The following ITPR3 variants were observed in gnomAD, a reference collection of about 807,000 sequenced individuals.
The protein encoded by ITPR3 is inositol 1,4,5-trisphosphate receptor type 3.
Under a neutral mutation model 293.2 loss-of-function variants are expected in ITPR3, and 173 were observed. The ratio of observed to expected loss-of-function variants is 0.59; its 90% confidence interval spans 0.52 to 0.67. The LOEUF (loss-of-function observed/expected upper bound fraction) is 0.67. Ranked by LOEUF, ITPR3 falls within the 30% of genes least tolerant of loss-of-function variation. The pLI is 0.00. For missense variants in ITPR3, 2,796 were observed against 3,592.1 expected, an observed-to-expected ratio of 0.78 and a Z score of 5.66; for synonymous variants, 1,295 against 1,444.4, an observed-to-expected ratio of 0.90 and a Z score of 2.35.
Position 33,670,699 on chromosome 6 carries a change from G to C in ITPR3, c.2470G>C (p.Asp824His). The C allele has an allele frequency of 6.2e-7, 1 of 1,614,168 alleles. No homozygotes were observed. The highest frequency in any genetic ancestry group is 8.5e-7 in the Non-Finnish European group (1 of 1,180,040). The change falls in exon 20 of 58, where the codon GAT becomes CAT. Residue 824 changes from aspartate (D) to histidine (H), a missense_variant. By Grantham distance (81) the Asp-to-His change is moderately conservative. Coordinates refer to ENST00000605930, the MANE Select transcript of ITPR3 (RefSeq NM_002224.4). The surrounding 1 kb of genome is among the most constrained non-coding windows in gnomAD (Gnocchi z 6.7). Reference protein sequence around the residue: ...DYDSNLNASRDDKKNKFANTM... With the variant: ...DYDSNLNASRHDKKNKFANTM... ...TGATTCCAACCTCAACGCGTCCCGAGATGACAAGAAGAACAAGTTTGCCAA... is the reference window on the plus strand; with the variant it reads ...TGATTCCAACCTCAACGCGTCCCGACATGACAAGAAGAACAAGTTTGCCAA...
At chr6:33,643,518 G>A (rs1203302319) in intron 2 of ITPR3, among the ~76,000 whole-genome samples, 4 of 152,256 alleles carry the variant, frequency 2.6e-5, no homozygotes, top group Non-Finnish European at 5.9e-5. Flanking sequence ...CGCTAGGCCA[G>A]CCCTTGAACT....
At position 33,630,504 on chromosome 6, in the gene ITPR3, CCT is replaced by C. The variant is rs369076311; in HGVS notation, c.89+8818_89+8819del. On this transcript the variant is annotated intron_variant, in intron 1 of 57. Transcript: ENST00000605930. ...GCGGCCCATGGTTGCACCTTTTCTC[CCT>C]CTCTTCCCAGCTTTCCCTTTGGTCT... 2.3e-3 allele frequency among the ~76,000 whole-genome samples: 344 copies of C among 152,290 alleles called. 1 individual carries two copies. The highest frequency in any genetic ancestry group is 7.7e-3 in the African/African-American group (319 of 41,558).
In ITPR3 at chr6:33,633,848, C is replaced by G. The variant is rs1356013287; in HGVS notation, c.90-6636C>G. Among the ~76,000 whole-genome samples the G allele has an allele frequency of 9.4e-6, 1 of 106,470 alleles. No individual in the cohort carries two copies. Among genetic ancestry groups the G allele is most frequent in the Non-Finnish European group, 2.0e-5 (1 of 49,066 alleles). 69.8% of individuals were successfully genotyped at this position (106,470 alleles called of 152,430 possible). Reference sequence around the variant, plus strand: ...GCGCGGGGCGGGCGCGGGGCGGGGCCGGGCCGGGCCGGGGCGGGGCCAGGG... The same window carrying G: ...GCGCGGGGCGGGCGCGGGGCGGGGCGGGGCCGGGCCGGGGCGGGGCCAGGG... On this transcript the variant is annotated intron_variant, in intron 1 of 57. Coordinates refer to ENST00000605930, the MANE Select transcript of ITPR3 (RefSeq NM_002224.4). The surrounding 1 kb of genome is among the most constrained non-coding windows in gnomAD (Gnocchi z 5.2).
rs1346396279 is a variant in ITPR3 at position 33,682,190 on chromosome 6, T to TA, written c.4477-334_4477-333insA. ...AGCCACTGCGCCCAGCCTCAAAGTG[T>TA]TATCTTTTAAATAACCTTTTGGTTT... is the stretch of plus-strand genomic sequence containing the variant. On this transcript the variant is annotated intron_variant, in intron 33 of 57. Coordinates refer to ENST00000605930, the MANE Select transcript of ITPR3 (RefSeq NM_002224.4). This position sits in a 1 kb window ranked among gnomAD's most constrained non-coding sequence, Gnocchi z 5.4. Among the ~76,000 whole-genome samples the TA allele has an allele frequency of 2.0e-5, 3 of 152,176 alleles. No homozygotes were observed. The highest frequency in any genetic ancestry group is 4.8e-5 in the African/African-American group (2 of 41,442).
chr6:33,633,557 G>A lies in ITPR3; in HGVS notation c.90-6927G>A, dbSNP rs879569231. Among the ~76,000 whole-genome samples, 5 of 151,972 alleles carry A rather than the reference G, an allele frequency of 3.3e-5. No individual in the cohort carries two copies. On this transcript the variant is annotated intron_variant, in intron 1 of 57. Coordinates refer to ENST00000605930, the MANE Select transcript of ITPR3 (RefSeq NM_002224.4). This position sits in a 1 kb window ranked among gnomAD's most constrained non-coding sequence, Gnocchi z 5.2. The stretch of plus-strand genomic sequence containing the variant: ...CCTCCGCGGGCAGACGAGCGGGGGA[G>A]AGCAGGAAAGCGCGGGCGCAGCGGC...
At chr6:33,641,730 T>A (rs1763957339) in intron 2 of ITPR3, among the ~76,000 whole-genome samples, 1 of 151,982 alleles carries the variant, frequency 6.6e-6, no homozygotes, top group Non-Finnish European at 1.5e-5. Context: ...TTCCTCACAG[T>A]CACCAGCAAC....
At position 33,694,968 on chromosome 6, in the gene ITPR3, T is replaced by C. The variant is rs1227432497; in HGVS notation, c.7830T>C (p.Leu2610=). The C allele has an allele frequency of 1.9e-6, 3 of 1,614,150 alleles. No homozygotes were observed. Among genetic ancestry groups the C allele is most frequent in the Non-Finnish European group, 2.5e-6 (3 of 1,180,024 alleles). The change falls in exon 57 of 58, where the codon CTT becomes CTC. Residue 2610 remains leucine (L), a synonymous_variant. Transcript: ENST00000605930. ...TCCCCCGGATGCGGGCCATGTCCCTTGTCAGCAATGAGGGCGAGGGGGAGC... is the reference window on the plus strand; with the variant it reads ...TCCCCCGGATGCGGGCCATGTCCCTCGTCAGCAATGAGGGCGAGGGGGAGC... ...DWFPRMRAMS[L]VSNEGEGEQN...
intron 20 of ITPR3, 75 bp from the exon 21 acceptor site, chr6:33,671,090 T>A: frequency 6.3e-7 from 1 of 1,588,702 alleles, no homozygotes; most frequent in South Asian, 1.1e-5. Flanking sequence ...TCCCCAGTCC[T>A]GGCCTGCCCT....
intron 55 of ITPR3, 109 bp from the exon 56 acceptor site, chr6:33,693,435 AT>A: frequency 1.8e-6 from 2 of 1,127,036 alleles, no homozygotes; most frequent in Non-Finnish European, 2.6e-6. Flanking sequence ...GGAAGCGCTC[AT>A]CCCGAGAACA....
rs935119907 is a variant in ITPR3 at position 33,691,308 on chromosome 6, G to C, written c.7225+199G>C. On this transcript the variant is annotated intron_variant, in intron 52 of 57. Coordinates refer to ENST00000605930, the MANE Select transcript of ITPR3 (RefSeq NM_002224.4). The surrounding 1 kb of genome is among the most constrained non-coding windows in gnomAD (Gnocchi z 4.9). ...CACACTGAGTGGGTGGGAGAGCCTT[G>C]GGTCTCTGGCCCCTAAGGAACCCCT... is the stretch of plus-strand genomic sequence containing the variant. 6.6e-5 allele frequency among the ~76,000 whole-genome samples: 10 copies of C among 152,162 alleles called. No individual in the cohort carries two copies. The highest frequency in any genetic ancestry group is 2.4e-4 in the African/African-American group (10 of 41,420).
intron 33 of ITPR3, among the ~76,000 whole-genome samples, chr6:33,681,070 C>T (rs544338384): frequency 2.6e-5 from 4 of 152,262 alleles, no homozygotes; most frequent in South Asian, 2.1e-4. Flanking sequence ...CCGCCCACCT[C>T]GGCTTCCCAA....
intron 21 of ITPR3, 89 bp from the exon 22 acceptor site, chr6:33,671,940 G>T: frequency 8.1e-7 from 1 of 1,234,220 alleles, no homozygotes; most frequent in Non-Finnish European, 1.1e-6. Flanking sequence ...AACAGATTAT[G>T]CATCCTCTGC....
At position 33,692,630 on chromosome 6, in the gene ITPR3, G is replaced by C; in HGVS notation, c.7459-98G>C. ...CTCATTTCCTTCTGCTAGGGGCTGG[G>C]TCCTCAATATCACAGCCCTGGCCCC... is the stretch of plus-strand genomic sequence containing the variant. On this transcript the variant is annotated intron_variant, in intron 54 of 57. Transcript: ENST00000605930. The surrounding 1 kb of genome is among the most constrained non-coding windows in gnomAD (Gnocchi z 4.2). 1 of 1,208,666 alleles carries C rather than the reference G, an allele frequency of 8.3e-7. No homozygotes were observed. The allele number at this position is 1,208,666 out of a possible 1,614,324, so 74.9% of individuals were successfully genotyped here.
intron 49 of ITPR3, 85 bp from the exon 50 acceptor site, chr6:33,689,153 A>T: frequency 6.8e-7 from 1 of 1,466,804 alleles, no homozygotes; most frequent in Non-Finnish European, 9.3e-7. Flanking sequence ...GGCCAGGAGA[A>T]GGTGGCTTTT....
rs748952187 is a variant in ITPR3, at chr6:33,682,495, G to A, written c.4477-29G>A. 2.0e-6 allele frequency: 3 copies of A among 1,491,732 alleles called. No homozygotes were observed. The highest frequency in any genetic ancestry group is 2.7e-5 in the East Asian group (1 of 37,482). The allele number at this position is 1,491,732 out of a possible 1,614,324, so 92.4% of individuals were successfully genotyped here. On this transcript the variant is annotated intron_variant, in intron 33 of 57. Coordinates refer to ENST00000605930, the MANE Select transcript of ITPR3 (RefSeq NM_002224.4). The surrounding 1 kb of genome is among the most constrained non-coding windows in gnomAD (Gnocchi z 5.4). Reference sequence around the variant, plus strand: ...GTTGCCCAGGGTGGGGGCCTGGGCTGCAGCAGCGGGCTCTGTGACTTCTTG... The same window carrying A: ...GTTGCCCAGGGTGGGGGCCTGGGCTACAGCAGCGGGCTCTGTGACTTCTTG...
At chr6:33,694,729 T>TAA in intron 56 of ITPR3, 195 bp from the exon 57 acceptor site, 23 of 634,326 alleles carry the variant, frequency 3.6e-5, no homozygotes, top group Admixed American at 2.8e-4. Context: ...GGCAGAGGGT[T>TAA]GACAAGAGGG....
chr6:33,694,489 G>T (rs954959715), intron 56 of ITPR3: 2 of 231,692 alleles, frequency 8.6e-6, no homozygotes, highest in South Asian at 5.1e-5. Flanking sequence ...GGAGCCTCCT[G>T]ATCCCTCAAT....
Position 33,661,992 on chromosome 6 carries a change from GAAAAAAAA to G in ITPR3, c.712-518_712-511del, listed in dbSNP as rs55958712. 3.0e-4 allele frequency among the ~76,000 whole-genome samples: 14 copies of G among 47,186 alleles called. 1 individual carries two copies. Among genetic ancestry groups the G allele is most frequent in the Admixed American group, 1.4e-3 (4 of 2,854 alleles). The allele number at this position is 47,186 out of a possible 152,430, so 31.0% of individuals were successfully genotyped here. On this transcript the variant is annotated intron_variant, in intron 7 of 57. Transcript: ENST00000605930. ...CCTGGGCAACAGAGTGACTGTCTCT[GAAAAAAAA>G]AAAAAAAAAAAAAAAAAGACAGGAT...
rs1372770319 is a variant in ITPR3 at position 33,689,242 on chromosome 6, G to C, written c.6699G>C (p.Val2233=). The C allele has an allele frequency of 6.2e-7, 1 of 1,609,350 alleles. No individual in the cohort carries two copies. Among genetic ancestry groups the C allele is most frequent in the South Asian group, 1.1e-5 (1 of 91,086 alleles). The change falls in exon 50 of 58, where the codon GTG becomes GTC. Residue 2233 remains valine, a synonymous_variant. Coordinates refer to ENST00000605930, the MANE Select transcript of ITPR3 (RefSeq NM_002224.4). ...YPYMEGASTG[V]LDSPLISLLF... is the part of the protein sequence containing the mutation. ...CACCCTGCCCCTGGCCCCCAGGCGT[G>C]CTGGACTCCCCTCTCATCTCATTGC...
Sources: allele counts gnomAD v4.1 joint callset (sites outside exome capture counted in the v4.1 genomes callset), GRCh38; gene constraint gnomAD v4.1.1; non-coding constraint Gnocchi (gnomAD v3.1); transcripts MANE v1.5; gene names NCBI Gene and HGNC (gene_info 2026-07-23, HGNC 2026-07-21).